COL14A1: variants seen among roughly 807,000 people sequenced by gnomAD.
COL14A1 encodes the protein collagen alpha-1(XIV) chain.
In COL14A1, 136 loss-of-function variants were observed where a neutral mutation model predicts 230.3. The ratio of observed to expected loss-of-function variants is 0.59; its 90% CI spans 0.51 to 0.68. COL14A1 has a LOEUF of 0.68. COL14A1 is among the 30% of genes least tolerant of loss of function. COL14A1 has a pLI of 0.00. For synonymous variants in COL14A1, 792 were observed against 784.1 expected (o/e 1.01, Z -0.17); for missense variants, 1,976 against 2,215.8 (o/e 0.89, Z 2.17).
chr8:120,217,342 T>G (rs1447622753), intron 14 of COL14A1, among the ~76,000 whole-genome samples: 1 of 152,212 alleles, frequency 6.6e-6, no homozygotes, highest in East Asian at 1.9e-4. Flanking sequence ...ATGCAGTGAC[T>G]AATACTTTCA....
At chr8:120,342,695 T>A (rs1822349425) in intron 44 of COL14A1, among the ~76,000 whole-genome samples, 1 of 152,202 alleles carries the variant, frequency 6.6e-6, no homozygotes, top group Non-Finnish European at 1.5e-5. Context: ...TGTTTGCCCA[T>A]GTAAATTTAA....
At chr8:120,185,335 A>T (rs1816616663) in intron 5 of COL14A1, among the ~76,000 whole-genome samples, 2 of 152,138 alleles carry the variant, frequency 1.3e-5, no homozygotes, top group Admixed American at 1.3e-4. Context: ...TGGAAAATAC[A>T]TATTGGACAA....
At chr8:120,328,174 C>T (rs1211698633) in intron 40 of COL14A1, among the ~76,000 whole-genome samples, 1 of 152,090 alleles carries the variant, frequency 6.6e-6, no homozygotes, top group Non-Finnish European at 1.5e-5. Context: ...GAAGAAATTC[C>T]AACTTTTGAG....
At position 120,315,522 on chromosome 8, in the gene COL14A1, T is replaced by C. The variant is rs760918879; in HGVS notation, c.4552-11T>C. The C allele has an allele frequency of 1.9e-6, 3 of 1,610,050 alleles. No homozygotes were observed. The highest frequency in any genetic ancestry group is 3.3e-5 in the Admixed American group (2 of 59,966). On this transcript the variant is annotated splice_polypyrimidine_tract_variant and intron_variant, in intron 38 of 47. Coordinates refer to ENST00000297848, the MANE Select transcript of COL14A1 (RefSeq NM_021110.4). The stretch of plus-strand genomic sequence containing the variant: ...ATGTGAACTTAACTCTGTATACTTT[T>C]GGATATTCAGGGAATGCCAGGAGAA...
intron 27 of COL14A1, 66 bp from the exon 28 acceptor site, chr8:120,278,369 C>T: frequency 4.5e-6 from 7 of 1,565,264 alleles, no homozygotes; most frequent in Non-Finnish European, 6.1e-6. Context: ...TGTTCCCACC[C>T]TTTCTTCTCC....
At chr8:120,337,841 G>A (rs765350649) in intron 42 of COL14A1, among the ~76,000 whole-genome samples, 19 of 152,132 alleles carry the variant, frequency 1.2e-4, no homozygotes, top group African/African-American at 1.9e-4. Context: ...TCAAAGGAAC[G>A]ATGTCAGAGA....
At chr8:120,247,535 TA>T in intron 20 of COL14A1, 77 bp from the exon 21 acceptor site, 1 of 1,325,302 alleles carries the variant, frequency 7.5e-7, no homozygotes, top group Non-Finnish European at 1.0e-6. Flanking sequence ...AGATGTCTTA[TA>T]TTTTGATGGC....
chr8:120,366,556 G>A (rs1823412014), intron 45 of COL14A1, among the ~76,000 whole-genome samples: 1 of 152,174 alleles, frequency 6.6e-6, no homozygotes, highest in Non-Finnish European at 1.5e-5. Context: ...ATGTTTCTTT[G>A]TTGTTTGCCT....
intron 36 of COL14A1, among the ~76,000 whole-genome samples, chr8:120,308,605 G>T (rs1027895206): frequency 2.0e-5 from 3 of 152,214 alleles, no homozygotes; most frequent in African/African-American, 7.2e-5. Context: ...AAATCTAGAA[G>T]ATGAGCAACT....
At position 120,176,819 on chromosome 8, in the gene COL14A1, CTCT is replaced by C. The variant is rs1394430049; in HGVS notation, c.436+8580_436+8582del. Reference sequence around the variant, plus strand: ...GAGTATGCTCTATTAGTGCTTCTTCCTCTTCTTCTTTCCCAGTTTTCTCCTCCT... The same window carrying C: ...GAGTATGCTCTATTAGTGCTTCTTCCTCTTCTTTCCCAGTTTTCTCCTCCT... On this transcript the variant is annotated intron_variant, in intron 5 of 47. Coordinates refer to ENST00000297848, the MANE Select transcript of COL14A1 (RefSeq NM_021110.4). 2.6e-5 allele frequency among the ~76,000 whole-genome samples: 4 copies of C among 152,088 alleles called. No individual in the cohort carries two copies. In the South Asian group the frequency reaches 6.2e-4, roughly 24 times the overall value.
intron 42 of COL14A1, among the ~76,000 whole-genome samples, chr8:120,335,647 G>A (rs1335154122): frequency 2.6e-5 from 4 of 152,202 alleles, no homozygotes; most frequent in East Asian, 1.9e-4. Flanking sequence ...AGGCTGCACC[G>A]CTGAAAATAG....
At chr8:120,359,584 A>G (rs16893954) in intron 45 of COL14A1, among the ~76,000 whole-genome samples, 20,304 of 152,190 alleles carry the variant, frequency 0.13, 1,542 homozygotes, top group Middle Eastern at 0.19. Context: ...CTAATTTTGA[A>G]TAATTTATAA....
At chr8:120,186,681 GC>G (rs551784448) in intron 5 of COL14A1, among the ~76,000 whole-genome samples, 1 of 152,310 alleles carries the variant, frequency 6.6e-6, no homozygotes, top group South Asian at 2.1e-4. Context: ...GTGTGGCAGG[GC>G]AGGAGGAGAG....
chr8:120,128,226 CGCGTGT>C (rs1232195128), intron 1 of COL14A1, among the ~76,000 whole-genome samples: 37 of 100,582 alleles, frequency 3.7e-4, no homozygotes, highest in Admixed American at 9.4e-4. Flanking sequence ...TGTGTGCGCG[CGCGTGT>C]GTGTGTGTGT....
chr8:120,262,567 G>T (rs77734852), intron 23 of COL14A1, among the ~76,000 whole-genome samples: 2,218 of 152,246 alleles, frequency 0.015, 51 homozygotes, highest in African/African-American at 0.051. Flanking sequence ...GATCAGTTAG[G>T]ATGTGTGCAT....
intron 39 of COL14A1, 97 bp from the exon 40 acceptor site, chr8:120,315,847 A>C: frequency 8.1e-7 from 1 of 1,228,458 alleles, no homozygotes; most frequent in Non-Finnish European, 1.2e-6. Flanking sequence ...TTATGCTCTT[A>C]GGTTTGTTTG....
intron 42 of COL14A1, among the ~76,000 whole-genome samples, chr8:120,339,010 ATC>A (rs1342557319): frequency 1.3e-5 from 2 of 152,140 alleles, no homozygotes; most frequent in African/African-American, 4.8e-5. Flanking sequence ...TGCTATGTAA[ATC>A]TTACTTTTGC....
rs923992944 is a variant in COL14A1 at position 120,247,607 on chromosome 8, A to T, written c.2480-6A>T. On this transcript the variant is annotated splice_polypyrimidine_tract_variant and splice_region_variant and intron_variant, in intron 20 of 47. Coordinates refer to ENST00000297848, the MANE Select transcript of COL14A1 (RefSeq NM_021110.4). ...ATCCCTGTTTTTCCTTTTCTTTTCT[A>T]CTCAGTACCATCCTCGGGGCCCCAG... 6.2e-7 allele frequency: 1 copy of T among 1,612,602 alleles called. No individual in the cohort carries two copies. Among genetic ancestry groups the T allele is most frequent in the African/African-American group, 1.3e-5 (1 of 74,754 alleles).
intron 26 of COL14A1, 25 bp downstream of exon 26, chr8:120,270,199 A>C: frequency 6.3e-7 from 1 of 1,594,126 alleles, no homozygotes; most frequent in African/African-American, 1.4e-5. Context: ...TAATTAATTC[A>C]TTCTATGTAT....
Sources: allele counts gnomAD v4.1 joint callset (sites outside exome capture counted in the v4.1 genomes callset), GRCh38; gene constraint gnomAD v4.1.1; transcripts MANE v1.5; gene names NCBI Gene and HGNC (gene_info 2026-07-23, HGNC 2026-07-21).